MYO9B: variants seen among roughly 807,000 people sequenced by gnomAD.
MYO9B encodes the protein unconventional myosin-IXb.
A neutral mutation model predicts 229.5 loss-of-function variants in MYO9B; 71 were observed. The observed-to-expected ratio is 0.31, with a 90% CI of 0.26 to 0.38. The LOEUF is 0.38. MYO9B is among the 10% of genes least tolerant of loss of function. The probability of loss-of-function intolerance (pLI) is 1.00; values close to 1 mark genes in which losing one functional copy is unlikely to be tolerated. For missense variants in MYO9B, 2,255 were observed against 2,920.5 expected, an observed-to-expected ratio of 0.77 and a Z score of 5.25; for synonymous variants, 1,185 against 1,235.8, an observed-to-expected ratio of 0.96 and a Z score of 0.86.
intron 22 of MYO9B, among the ~76,000 whole-genome samples, chr19:17,197,097 G>A (rs1444542299): frequency 2.0e-5 from 3 of 151,928 alleles, no homozygotes; most frequent in South Asian, 2.1e-4. Context: ...CCAACGTGGC[G>A]AAACCCCGTC....
At chr19:17,180,714 G>GC (rs2072849479) in intron 14 of MYO9B, 1 of 524,046 alleles carries the variant, frequency 1.9e-6, no homozygotes, top group African/African-American at 2.0e-5. Context: ...TCAAAGCCCT[G>GC]CCCCGCTCCA....
Position 17,156,903 on chromosome 19 carries a change from T to C in MYO9B, c.1200-6T>C, listed in dbSNP as rs769465196. 1.2e-6 allele frequency: 2 copies of C among 1,610,942 alleles called. No homozygotes were observed. Among genetic ancestry groups the C allele is most frequent in the Non-Finnish European group, 1.7e-6 (2 of 1,178,864 alleles). ...TACCCAAATATGAGTGCCTTTTCTT[T>C]CCCAGGATTTTTGCCGTCCTCTCGG... On this transcript the variant is annotated splice_region_variant and splice_polypyrimidine_tract_variant and intron_variant, in intron 6 of 39. Transcript: ENST00000682292.
chr19:17,195,329 T>G lies in MYO9B; in HGVS notation c.3902T>G (p.Leu1301Arg). Residue 1301 changes from leucine to arginine, a missense_variant, in exon 22 of 40, where the codon CTG becomes CGG. Leu to Arg is a moderately radical substitution (Grantham distance 102). Transcript: ENST00000682292. The surrounding 1 kb of genome is among the most constrained non-coding windows in gnomAD (Gnocchi z 4.5). ...GGCTCCACGCAGATCCAGCGGTACC[T>G]GGACGCCGAGCGGCTGGCCAGCGCC... is the stretch of plus-strand genomic sequence containing the variant. Reference protein sequence around the residue: ...PGGSTQIQRYLDAERLASAVE... With the variant: ...PGGSTQIQRYRDAERLASAVE... 6.2e-7 allele frequency: 1 copy of G among 1,612,492 alleles called. No individual in the cohort carries two copies. Among genetic ancestry groups the G allele is most frequent in the Non-Finnish European group, 8.5e-7 (1 of 1,179,728 alleles).
intron 2 of MYO9B, among the ~76,000 whole-genome samples, chr19:17,117,403 G>A (rs148731186): frequency 6.6e-6 from 1 of 152,242 alleles, no homozygotes; most frequent in East Asian, 1.9e-4. Context: ...CAGTCCCCTC[G>A]AGAACCCCAT....
chr19:17,077,735 G>T (rs890036963), intron 1 of MYO9B, among the ~76,000 whole-genome samples: 1 of 152,030 alleles, frequency 6.6e-6, no homozygotes, highest in Admixed American at 6.5e-5. Context: ...CCCAGCTCCC[G>T]GCCTTGAACT....
At position 17,213,102 on chromosome 19, in the gene MYO9B, T is replaced by C. The variant is rs2073249784; in HGVS notation, c.*792T>C. 1 of 152,242 alleles carries C rather than the reference T, an allele frequency of 6.6e-6. No individual in the cohort carries two copies. Among genetic ancestry groups the C allele is most frequent in the Admixed American group, 6.5e-5 (1 of 15,286 alleles). 9.4% of individuals were successfully genotyped at this position (152,242 alleles called of 1,614,324 possible). On this transcript the variant is annotated 3_prime_UTR_variant, in exon 40 of 40. Transcript: ENST00000682292. The stretch of plus-strand genomic sequence containing the variant: ...ATAGGAGCCAGCGACTCAGGACTGC[T>C]CACGGGTCAGGAGGGCAACGCCTGA...
chr19:17,197,003 C>T (rs1003302780), intron 22 of MYO9B, among the ~76,000 whole-genome samples: 5 of 151,886 alleles, frequency 3.3e-5, no homozygotes, highest in East Asian at 3.9e-4. Context: ...GAGCCGGGTT[C>T]GGGGGCTCAC....
rs1568661934 is a variant in MYO9B, at chr19:17,101,989, G to T, written c.272G>T (p.Trp91Leu). 1 of 1,613,048 alleles carries T rather than the reference G, an allele frequency of 6.2e-7. No homozygotes were observed. Residue 91 changes from tryptophan to leucine, a missense_variant, in exon 2 of 40, where the codon TGG becomes TTG. Around this residue, in one of 7 missense-constraint regions of MYO9B, gnomAD observed 386 missense variants for 515.2 expected, o/e 0.75. Coordinates refer to ENST00000682292, the MANE Select transcript of MYO9B (RefSeq NM_004145.4). This position sits in a 1 kb window ranked among gnomAD's most constrained non-coding sequence, Gnocchi z 4.7. ...TCGCCTGTGCACCGGGTGCTGCTAT[G>T]GCCCCGGCGGGCACAGGACGAGCAC... ...NDSPVHRVLL[W>L]PRRAQDEHPQ...
chr19:17,159,485 G>T lies in MYO9B; in HGVS notation c.1419+1G>T. 1 of 1,606,148 alleles carries T rather than the reference G, an allele frequency of 6.2e-7. No individual in the cohort carries two copies. Among genetic ancestry groups the T allele is most frequent in the Non-Finnish European group, 8.5e-7 (1 of 1,176,432 alleles). On this transcript the variant is annotated splice_donor_variant, in intron 8 of 39. Transcript: ENST00000682292. LOFTEE classifies it high-confidence loss of function. ...TATCCTTCCCTACAGCCTCAGCGAG[G>T]TGAGCTCTGCCCAGGCACTCACAGG...
intron 2 of MYO9B, among the ~76,000 whole-genome samples, chr19:17,126,777 C>A (rs925250045): frequency 6.6e-6 from 1 of 150,876 alleles, no homozygotes; most frequent in African/African-American, 2.4e-5. Context: ...CGATTTCCTG[C>A]CTCAGCCTCC....
intron 22 of MYO9B, among the ~76,000 whole-genome samples, chr19:17,196,265 CAG>C (rs1164778651): frequency 6.6e-6 from 1 of 150,926 alleles, no homozygotes; most frequent in Non-Finnish European, 1.5e-5. Flanking sequence ...GAATGGAAGA[CAG>C]ATATAGATGA....
chr19:17,171,987 C>T (rs2072729571), intron 11 of MYO9B, among the ~76,000 whole-genome samples: 1 of 152,162 alleles, frequency 6.6e-6, no homozygotes, highest in Non-Finnish European at 1.5e-5. Flanking sequence ...GAGAGCGTCA[C>T]TTCACCCTCA....
intron 3 of MYO9B, among the ~76,000 whole-genome samples, chr19:17,147,123 C>G (rs943103314): frequency 7.2e-5 from 11 of 152,258 alleles, no homozygotes; most frequent in Non-Finnish European, 1.5e-4. Context: ...CTCCTACCAC[C>G]TGCCCACATG....
rs1242592292 is a variant in MYO9B at position 17,180,919 on chromosome 19, C to T, written c.2220-8C>T. 3 of 1,595,880 alleles carry T rather than the reference C, an allele frequency of 1.9e-6. No individual in the cohort carries two copies. Among genetic ancestry groups the T allele is most frequent in the South Asian group, 2.2e-5 (2 of 89,132 alleles). On this transcript the variant is annotated splice_region_variant and splice_polypyrimidine_tract_variant and intron_variant, in intron 14 of 39. Transcript: ENST00000682292. ...CTGTCACTGCGCCCCCTCCACCCCT[C>T]CCCTCAGCGATTTGCATAACCAAAT... is the stretch of plus-strand genomic sequence containing the variant.
chr19:17,170,308 T>C (rs1305283704), intron 11 of MYO9B, among the ~76,000 whole-genome samples: 1 of 152,072 alleles, frequency 6.6e-6, no homozygotes, highest in Non-Finnish European at 1.5e-5. Flanking sequence ...TAAGGTCACA[T>C]TCAAAAGTTG....
intron 1 of MYO9B, among the ~76,000 whole-genome samples, chr19:17,088,255 G>A: frequency 6.6e-6 from 1 of 152,152 alleles, no homozygotes; most frequent in East Asian, 1.9e-4. Context: ...CCTTCTCTCT[G>A]TGTGCACATG....
At chr19:17,097,357 G>A (rs150489888) in intron 1 of MYO9B, among the ~76,000 whole-genome samples, 21 of 150,570 alleles carry the variant, frequency 1.4e-4, no homozygotes, top group African/African-American at 4.6e-4. Context: ...ATCTCGCCCT[G>A]TTGCTCAAGC....
At chr19:17,097,938 G>A (rs1312739840) in intron 1 of MYO9B, among the ~76,000 whole-genome samples, 1 of 152,118 alleles carries the variant, frequency 6.6e-6, no homozygotes, top group South Asian at 2.1e-4. Context: ...GTGTGGGCAA[G>A]GCTGCCTTCC....
At chr19:17,123,139 T>C (rs1182252977) in intron 2 of MYO9B, among the ~76,000 whole-genome samples, 1 of 152,142 alleles carries the variant, frequency 6.6e-6, no homozygotes, top group Non-Finnish European at 1.5e-5. Flanking sequence ...CAGCTTGGCT[T>C]GCAAGTATAT....
Sources: allele counts gnomAD v4.1 joint callset (sites outside exome capture counted in the v4.1 genomes callset), GRCh38; gene constraint gnomAD v4.1.1; regional missense constraint gnomAD v4.1.1; non-coding constraint Gnocchi (gnomAD v3.1); transcripts MANE v1.5; gene names NCBI Gene and HGNC (gene_info 2026-07-23, HGNC 2026-07-21).